Variants in ZFPM2 observed in about 807,000 individuals in gnomAD.
The protein encoded by ZFPM2 is zinc finger protein, FOG family member 2, also known as zinc finger protein ZFPM2.
Under a neutral mutation model 98.6 loss-of-function variants are expected in ZFPM2, and 20 were observed. That is an observed-to-expected ratio of 0.20 (90% CI 0.14 to 0.29). The LOEUF (loss-of-function observed/expected upper bound fraction) is 0.29. ZFPM2 is among the 10% of genes least tolerant of loss of function. The pLI is 1.00. For synonymous variants in ZFPM2, 518 were observed against 502.7 expected (o/e 1.03, Z -0.41); for missense variants, 1,310 against 1,388.6 (o/e 0.94, Z 0.90).
intron 5 of ZFPM2, among the ~76,000 whole-genome samples, chr8:105,716,670 T>G (rs1298120197): frequency 6.6e-6 from 1 of 151,980 alleles, no homozygotes; most frequent in Non-Finnish European, 1.5e-5. Flanking sequence ...ATCCTCTTGA[T>G]TTAGTCAAAT....
intron 4 of ZFPM2, among the ~76,000 whole-genome samples, chr8:105,565,245 TA>T (rs146751906): frequency 6.6e-6 from 1 of 152,098 alleles, no homozygotes; most frequent in Admixed American, 6.6e-5. Flanking sequence ...TAGAACATTT[TA>T]AAAAACACAG....
At chr8:105,471,660 G>A (rs1812905999) in intron 3 of ZFPM2, among the ~76,000 whole-genome samples, 1 of 152,126 alleles carries the variant, frequency 6.6e-6, no homozygotes, top group Non-Finnish European at 1.5e-5. Context: ...GAGGTTGATG[G>A]TACGCAAGCG....
At chr8:105,600,371 A>C (rs1400108063) in intron 4 of ZFPM2, among the ~76,000 whole-genome samples, 3 of 152,148 alleles carry the variant, frequency 2.0e-5, no homozygotes, top group Non-Finnish European at 4.4e-5. Context: ...AACCAAGAGA[A>C]AGATTATTTT....
intron 1 of ZFPM2, among the ~76,000 whole-genome samples, chr8:105,405,038 G>A (rs1166338056): frequency 6.6e-6 from 1 of 151,984 alleles, no homozygotes; most frequent in Non-Finnish European, 1.5e-5. Context: ...ATTGGCAAGT[G>A]CAATGAGTAA....
In ZFPM2 at chr8:105,653,854, C is replaced by CTTTTTTTTTTTTTTTTTT. The variant is rs60218363; in HGVS notation, c.532+19513_532+19530dup. Among the ~76,000 whole-genome samples, 9 of 35,286 alleles carry CTTTTTTTTTTTTTTTTTT rather than the reference C, an allele frequency of 2.6e-4. 1 individual carries two copies. Among genetic ancestry groups the CTTTTTTTTTTTTTTTTTT allele is most frequent in the Admixed American group, 5.7e-4 (1 of 1,754 alleles). 23.1% of individuals were successfully genotyped at this position (35,286 alleles called of 152,430 possible). On this transcript the variant is annotated intron_variant, in intron 5 of 7. Transcript: ENST00000407775. ...CTTTATACAACAGCTTGTGTGCTAT[C>CTTTTTTTTTTTTTTTTTT]TTTTTTTTTTTTTTTTTTTTTTTTT...
chr8:105,724,358 T>G (rs1295154467), intron 5 of ZFPM2, among the ~76,000 whole-genome samples: 2 of 151,874 alleles, frequency 1.3e-5, no homozygotes, highest in Non-Finnish European at 2.9e-5. Flanking sequence ...CAATTCAACT[T>G]TTTCTTCTAA....
chr8:105,471,108 G>A (rs373605378), intron 3 of ZFPM2, among the ~76,000 whole-genome samples: 10 of 152,154 alleles, frequency 6.6e-5, no homozygotes, highest in South Asian at 2.1e-4. Context: ...TGACAGCTTC[G>A]TTTGGTTCAT....
intron 3 of ZFPM2, among the ~76,000 whole-genome samples, chr8:105,493,138 A>T (rs1724796538): frequency 6.6e-6 from 1 of 152,158 alleles, no homozygotes; most frequent in African/African-American, 2.4e-5. Flanking sequence ...ATTTTCTCTT[A>T]ATGACTTTCA....
chr8:105,496,671 TG>T (rs1481148769), intron 3 of ZFPM2, among the ~76,000 whole-genome samples: 39 of 124,462 alleles, frequency 3.1e-4, no homozygotes, highest in Admixed American at 1.7e-3. Flanking sequence ...TTTGTTTTTT[TG>T]GTTTTTTTTT....
intron 3 of ZFPM2, among the ~76,000 whole-genome samples, chr8:105,489,470 T>TA (rs1813314272): frequency 7.9e-6 from 1 of 126,438 alleles, no homozygotes; most frequent in African/African-American, 3.8e-5. Flanking sequence ...ATATATATTT[T>TA]TTTTTTTTTT....
At chr8:105,357,899 ATAGT>A (rs1427209126) in intron 1 of ZFPM2, among the ~76,000 whole-genome samples, 1 of 152,214 alleles carries the variant, frequency 6.6e-6, no homozygotes, top group African/African-American at 2.4e-5. Context: ...CCTTCCATAA[ATAGT>A]TTGCAACTTG....
Position 105,330,538 on chromosome 8 carries a change from C to CTCTCTA in ZFPM2, c.40+11558_40+11559insCTCTAT, listed in dbSNP as rs1554594944. 8.0e-3 allele frequency among the ~76,000 whole-genome samples: 805 copies of CTCTCTA among 100,110 alleles called. 15 individuals carry two copies. The highest frequency in any genetic ancestry group is 0.03 in the African/African-American group (762 of 25,326). 65.7% of individuals were successfully genotyped at this position (100,110 alleles called of 152,430 possible). ...CAAAACAATTTCTCTCTCTCTCTCT[C>CTCTCTA]TATATATATATATACATATATATAT... On this transcript the variant is annotated intron_variant, in intron 1 of 7. Transcript: ENST00000407775.
intron 5 of ZFPM2, among the ~76,000 whole-genome samples, chr8:105,771,783 C>T (rs370088459): frequency 3.9e-5 from 6 of 152,098 alleles, no homozygotes; most frequent in African/African-American, 1.2e-4. Context: ...CAGGGCAGAG[C>T]GAGGACTCCC....
intron 4 of ZFPM2, among the ~76,000 whole-genome samples, chr8:105,566,000 T>C (rs777327137): frequency 5.3e-5 from 8 of 152,170 alleles, no homozygotes; most frequent in Non-Finnish European, 1.2e-4. Context: ...GAGCCAGTGG[T>C]GCAGATGAAG....
chr8:105,799,210 A>G (rs1462249853), intron 7 of ZFPM2, among the ~76,000 whole-genome samples: 3 of 152,196 alleles, frequency 2.0e-5, no homozygotes, highest in Non-Finnish European at 2.9e-5. Context: ...TTAAAAAAGC[A>G]CATTATTTTA....
intron 2 of ZFPM2, among the ~76,000 whole-genome samples, chr8:105,439,502 A>G (rs967793364): frequency 6.6e-5 from 10 of 152,206 alleles, no homozygotes; most frequent in African/African-American, 1.9e-4. Flanking sequence ...AAGGAGATTT[A>G]CATAAAACTG....
intron 4 of ZFPM2, among the ~76,000 whole-genome samples, chr8:105,574,486 AC>A (rs1815423398): frequency 6.6e-6 from 1 of 152,142 alleles, no homozygotes; most frequent in Non-Finnish European, 1.5e-5. Flanking sequence ...TGTCTGATTC[AC>A]TTTTGAGTTA....
chr8:105,760,945 T>G (rs1391959105), intron 5 of ZFPM2, among the ~76,000 whole-genome samples: 3 of 151,980 alleles, frequency 2.0e-5, no homozygotes, highest in Non-Finnish European at 4.4e-5. Flanking sequence ...GTATGAGATA[T>G]TGTGTCATCT....
chr8:105,319,071 C>G (rs1313919402), intron 1 of ZFPM2, 90 bp downstream of exon 1: 1 of 1,391,990 alleles, frequency 7.2e-7, no homozygotes, highest in African/African-American at 1.5e-5. Flanking sequence ...GGTGGCGGGG[C>G]TAGGGGAGAT....
Sources: allele counts gnomAD v4.1 joint callset (sites outside exome capture counted in the v4.1 genomes callset), GRCh38; gene constraint gnomAD v4.1.1; transcripts MANE v1.5; gene names NCBI Gene and HGNC (gene_info 2026-07-23, HGNC 2026-07-21).